DPEP1: variants seen among roughly 807,000 people sequenced by gnomAD.
DPEP1 encodes dipeptidase 1.
DPEP1 carries 50 observed loss-of-function variants against 42.3 expected under a neutral mutation model. That is an observed-to-expected ratio of 1.18 (90% CI 0.94 to 1.50). The LOEUF (loss-of-function observed/expected upper bound fraction) is 1.50. Among genes scored for constraint, DPEP1 ranks in the 40% most tolerant of loss-of-function variants. The pLI, the probability that DPEP1 is intolerant of heterozygous loss-of-function variation, is 0.00. For synonymous variants in DPEP1, 297 were observed against 234.0 expected (o/e 1.27, Z -2.46); for missense variants, 663 against 553.0 (o/e 1.20, Z -1.99).
At chr16:89,620,053 A>C (rs1440010494) in intron 1 of DPEP1, among the ~76,000 whole-genome samples, 3 of 149,184 alleles carry the variant, frequency 2.0e-5, no homozygotes, top group African/African-American at 7.4e-5. Context: ...CAGAATTCCA[A>C]AGCCAGCCTG....
At chr16:89,614,619 C>T (rs917097693) in intron 1 of DPEP1, among the ~76,000 whole-genome samples, 1 of 152,088 alleles carries the variant, frequency 6.6e-6, no homozygotes, top group African/African-American at 2.4e-5. Context: ...ACGGTGAAAC[C>T]CCGTCTCTAA....
At chr16:89,639,186 C>G (rs1597779598), downstream of DPEP1, among the ~76,000 whole-genome samples, 1 of 63,260 alleles carries the variant, frequency 1.6e-5, no homozygotes, top group Admixed American at 1.5e-4. Context: ...CACACACACC[C>G]CACCCCTGCA....
intron 1 of DPEP1, among the ~76,000 whole-genome samples, chr16:89,621,101 G>A (rs1597745614): frequency 6.6e-6 from 1 of 151,938 alleles, no homozygotes; most frequent in Non-Finnish European, 1.5e-5. Flanking sequence ...GTGAGAGGGT[G>A]GCTTCTGGGG....
intron 2 of DPEP1, among the ~76,000 whole-genome samples, chr16:89,633,115 G>A (rs12920969): frequency 0.36 from 54,262 of 151,804 alleles, 11,052 homozygotes; most frequent in Middle Eastern, 0.63. Flanking sequence ...GCCCTGCCCA[G>A]CCCCACCCAG....
At position 89,637,932 on chromosome 16, in the gene DPEP1, GGCT is replaced by G; in HGVS notation, c.1028_1030del (p.Ala343del). The stretch of plus-strand genomic sequence containing the variant: ...CGGAGGCGGAGGTCAAGGGCGCACT[GGCT>G]GACAACCTGCTGAGGGTCTTCGAGG... On this transcript the variant is annotated inframe_deletion, in exon 10 of 11. Transcript: ENST00000690203. 1 of 1,611,072 alleles carries G rather than the reference GGCT, an allele frequency of 6.2e-7. No homozygotes were observed. The highest frequency in any genetic ancestry group is 8.5e-7 in the Non-Finnish European group (1 of 1,179,148).
Position 89,637,353 on chromosome 16 carries a change from C to T in DPEP1, c.741C>T (p.Asn247=), listed in dbSNP as rs111978471. The T allele has an allele frequency of 1.3e-5, 21 of 1,612,310 alleles. No individual in the cohort carries two copies. Among genetic ancestry groups the T allele is most frequent in the Middle Eastern group, 1.6e-4 (1 of 6,062 alleles). ...ACAGCGTGTGCGCAAGCCGGCGCAA[C>T]GTGCCTGACGACGTCCTGAGGCTGG... is the stretch of plus-strand genomic sequence containing the variant. ...SAYSVCASRR[N]VPDDVLRLVK... Residue 247 remains asparagine (N), a synonymous_variant, in exon 7 of 11, where the codon AAC becomes AAT. Transcript: ENST00000690203.
At position 89,638,336 on chromosome 16, in the gene DPEP1, C is replaced by T. The variant is rs2059711993; in HGVS notation, c.*114C>T. 2 of 1,434,634 alleles carry T rather than the reference C, an allele frequency of 1.4e-6. No homozygotes were observed. The highest frequency in any genetic ancestry group is 1.8e-6 in the Non-Finnish European group (2 of 1,097,708). 88.9% of individuals were successfully genotyped at this position (1,434,634 alleles called of 1,614,324 possible). A position where few individuals can be genotyped will look rare whatever the true frequency, so the allele number is the denominator to read the frequency against. On this transcript the variant is annotated 3_prime_UTR_variant, in exon 11 of 11. Transcript: ENST00000690203. The stretch of plus-strand genomic sequence containing the variant: ...GCCCACATGCAAGGACCAGCATCTC[C>T]TGAGAGGACGCCTGGGCTTACCTGG...
chr16:89,637,392 G>A lies in DPEP1; in HGVS notation c.768+12G>A, dbSNP rs944846486. On this transcript the variant is annotated intron_variant, in intron 7 of 10. Transcript: ENST00000690203. Reference sequence around the variant, plus strand: ...TCCTGAGGCTGGTGGTGAGGGCCGAGGGGGCGACCTCCACCCCGCCTCCCT... The same window carrying A: ...TCCTGAGGCTGGTGGTGAGGGCCGAAGGGGCGACCTCCACCCCGCCTCCCT... The A allele has an allele frequency of 6.2e-7, 1 of 1,612,142 alleles. No individual in the cohort carries two copies. Among genetic ancestry groups the A allele is most frequent in the Admixed American group, 1.7e-5 (1 of 60,014 alleles).
rs765900690 is a variant in DPEP1 at position 89,638,093 on chromosome 16, G to T, written c.1107G>T (p.Pro369=). Residue 369 remains proline (P), a synonymous_variant, in exon 11 of 11, where the codon CCG becomes CCT. Transcript: ENST00000690203. ...LTQAPEEEPI[P]LDQLGGSCRT... is the part of the protein sequence containing the mutation. ...AGGCTCCCGAGGAGGAGCCCATCCC[G>T]CTGGACCAGCTGGGTGGCTCCTGCA... 73 of 1,612,096 alleles carry T rather than the reference G, an allele frequency of 4.5e-5. No individual in the cohort carries two copies. Among genetic ancestry groups the T allele is most frequent in the Non-Finnish European group, 5.8e-5 (68 of 1,179,838 alleles).
At chr16:89,627,922 G>T (rs993472143) in intron 1 of DPEP1, among the ~76,000 whole-genome samples, 1 of 147,664 alleles carries the variant, frequency 6.8e-6, no homozygotes, top group African/African-American at 2.5e-5. Context: ...CCTCCCAAAG[G>T]GTATTTTTGT....
chr16:89,639,189 C>T (rs1305971671), downstream of DPEP1, among the ~76,000 whole-genome samples: 4 of 54,734 alleles, frequency 7.3e-5, no homozygotes, highest in African/African-American at 3.6e-4. Context: ...ACACACCCCA[C>T]CCCTGCACAC....
chr16:89,630,259 C>A, intron 1 of DPEP1, 46 bp from the exon 2 acceptor site: 1 of 543,204 alleles, frequency 1.8e-6, no homozygotes, highest in Non-Finnish European at 3.3e-6. Context: ...GGAGAGCAGC[C>A]ACCTGTCATC....
At chr16:89,618,707 C>T (rs536817490) in intron 1 of DPEP1, among the ~76,000 whole-genome samples, 4 of 151,950 alleles carry the variant, frequency 2.6e-5, no homozygotes, top group East Asian at 3.8e-4. Flanking sequence ...TGTGTTGCCC[C>T]GGCTGGTCTC....
At chr16:89,640,613 G>T, downstream of DPEP1, 1 of 982,384 alleles carries the variant, frequency 1.0e-6, no homozygotes, top group Non-Finnish European at 1.2e-6. Context: ...TGATCATCCA[G>T]GATCCACTTA....
chr16:89,634,674 C>CCCCTTCCTTCCCTTT (rs1310035336), intron 2 of DPEP1, among the ~76,000 whole-genome samples: 1 of 4,612 alleles, frequency 2.2e-4, no homozygotes, highest in South Asian at 0.016. Context: ...CCTTCCCTTT[C>CCCCTTCCTTCCCTTT]CCCTTCCTTC....
chr16:89,616,162 G>T (rs549301158), intron 1 of DPEP1, among the ~76,000 whole-genome samples: 4 of 151,748 alleles, frequency 2.6e-5, no homozygotes, highest in Admixed American at 2.0e-4. Context: ...GGCTTCGGGG[G>T]CTGGGCTGGG....
chr16:89,623,726 G>A (rs573659886), intron 1 of DPEP1, among the ~76,000 whole-genome samples: 1 of 152,194 alleles, frequency 6.6e-6, no homozygotes, highest in African/African-American at 2.4e-5. Context: ...AGGATAAGCA[G>A]GAAGAAAGCC....
chr16:89,636,468 G>C, intron 4 of DPEP1, 65 bp from the exon 5 acceptor site: 1 of 1,596,614 alleles, frequency 6.3e-7, no homozygotes, highest in Non-Finnish European at 8.5e-7. Context: ...AGCAGGTGCC[G>C]GTCAGGACAC....
At chr16:89,628,231 ATTTC>A (rs1202426374) in intron 1 of DPEP1, among the ~76,000 whole-genome samples, 10 of 122,360 alleles carry the variant, frequency 8.2e-5, no homozygotes, top group African/African-American at 2.1e-4. Flanking sequence ...CACAAAAGGT[ATTTC>A]TTTCTTTCTT....
Sources: gnomAD v4.1 joint callset for allele counts (sites outside exome capture counted in the v4.1 genomes callset) on GRCh38, gnomAD v4.1.1 for gene constraint, MANE v1.5 for transcripts, NCBI Gene and HGNC (gene_info 2026-07-23, HGNC 2026-07-21) for gene names.